Variants in PTPN1 observed in about 807,000 individuals in gnomAD.
PTPN1 encodes tyrosine-protein phosphatase non-receptor type 1.
In PTPN1, 12 loss-of-function variants were observed where a neutral mutation model predicts 59.9. The ratio of observed to expected loss-of-function variants is 0.20; its 90% CI spans 0.13 to 0.32. PTPN1 has a LOEUF of 0.32. Among genes scored for constraint, PTPN1 ranks in the 10% least tolerant of loss-of-function variants. The pLI is 1.00. For missense variants in PTPN1, 356 were observed against 549.2 expected, an observed-to-expected ratio of 0.65 and a Z score of 3.52; for synonymous variants, 178 against 203.6, an observed-to-expected ratio of 0.87 and a Z score of 1.07.
At chr20:50,567,044 A>G (rs991590884) in intron 3 of PTPN1, among the ~76,000 whole-genome samples, 4 of 152,244 alleles carry the variant, frequency 2.6e-5, no homozygotes, top group African/African-American at 9.6e-5. Context: ...AGTAAGTTCA[A>G]GATGAGCTCA....
chr20:50,559,056 C>T (rs1043100047), intron 1 of PTPN1, among the ~76,000 whole-genome samples: 42 of 111,574 alleles, frequency 3.8e-4, no homozygotes, highest in African/African-American at 1.1e-3. Flanking sequence ...TTTTTTGAGA[C>T]GGAGTTTTGC....
intron 1 of PTPN1, among the ~76,000 whole-genome samples, chr20:50,527,779 G>A (rs572992904): frequency 6.6e-6 from 1 of 152,270 alleles, no homozygotes; most frequent in Non-Finnish European, 1.5e-5. Context: ...TCCCTTCCCT[G>A]TTTTAATAAC....
At chr20:50,543,761 G>A (rs1327115426) in intron 1 of PTPN1, among the ~76,000 whole-genome samples, 1 of 152,172 alleles carries the variant, frequency 6.6e-6, no homozygotes, top group African/African-American at 2.4e-5. Context: ...CAATATCGAA[G>A]AAGAAGACTT....
At chr20:50,578,656 G>T (rs1019983191) in intron 6 of PTPN1, 27 bp downstream of exon 6, 1 of 1,597,476 alleles carries the variant, frequency 6.3e-7, no homozygotes, top group Middle Eastern at 1.8e-4. Context: ...GGGTGCCCTG[G>T]GGAGCTCCTC....
intron 1 of PTPN1, chr20:50,557,961 C>G (rs115324957): frequency 6.6e-6 from 1 of 152,278 alleles, no homozygotes; most frequent in Non-Finnish European, 1.5e-5. Flanking sequence ...AAGCCTCCCG[C>G]GTAGCTGAGA....
intron 4 of PTPN1, chr20:50,573,662 C>CTTG (rs2082821920): frequency 6.6e-6 from 1 of 152,258 alleles, no homozygotes; most frequent in South Asian, 2.1e-4. Flanking sequence ...GAGCTTCCCT[C>CTTG]TGTCCAGGCA....
chr20:50,533,772 G>A (rs1300410545), intron 1 of PTPN1, among the ~76,000 whole-genome samples: 1 of 152,126 alleles, frequency 6.6e-6, no homozygotes, highest in African/African-American at 2.4e-5. Flanking sequence ...GATAGGTCAG[G>A]TGAGGCTGGA....
At chr20:50,535,575 G>C (rs558755497) in intron 1 of PTPN1, among the ~76,000 whole-genome samples, 1 of 152,182 alleles carries the variant, frequency 6.6e-6, no homozygotes, top group African/African-American at 2.4e-5. Context: ...GGGAAAGTTA[G>C]GATTTGGTTA....
intron 1 of PTPN1, among the ~76,000 whole-genome samples, chr20:50,525,129 G>A (rs1209752877): frequency 3.3e-5 from 5 of 151,870 alleles, no homozygotes; most frequent in African/African-American, 7.3e-5. Flanking sequence ...GCACGATCTC[G>A]GCTCACTGCA....
chr20:50,582,843 C>G lies in PTPN1; in HGVS notation c.*128C>G. 8.5e-7 allele frequency: 1 copy of G among 1,171,640 alleles called. No individual in the cohort carries two copies. The highest frequency in any genetic ancestry group is 2.5e-5 in the East Asian group (1 of 39,716). The allele number at this position is 1,171,640 out of a possible 1,614,324, so 72.6% of individuals were successfully genotyped here. A position where few individuals can be genotyped will look rare whatever the true frequency, so the allele number is the denominator to read the frequency against. ...CGTAGAGAGCCGGGCCCCGGACGGACGTTGGTTCTGCACTAAAACCCATCT... is the reference window on the plus strand; with the variant it reads ...CGTAGAGAGCCGGGCCCCGGACGGAGGTTGGTTCTGCACTAAAACCCATCT... On this transcript the variant is annotated 3_prime_UTR_variant, in exon 10 of 10. Coordinates refer to ENST00000371621, the MANE Select transcript of PTPN1 (RefSeq NM_002827.4). The surrounding 1 kb of genome is among the most constrained non-coding windows in gnomAD (Gnocchi z 4.2).
At chr20:50,569,410 C>T (rs2082795472) in intron 4 of PTPN1, among the ~76,000 whole-genome samples, 1 of 152,206 alleles carries the variant, frequency 6.6e-6, no homozygotes, top group African/African-American at 2.4e-5. Context: ...GACGGCTGCC[C>T]CCAGCTCCCC....
rs1193028921 is a variant in PTPN1 at position 50,584,608 on chromosome 20, T to C, written c.*1893T>C. The C allele has an allele frequency of 8.3e-6, 1 of 120,478 alleles. No homozygotes were observed. The highest frequency in any genetic ancestry group is 3.2e-5 in the African/African-American group (1 of 31,486). The allele number at this position is 120,478 out of a possible 1,614,324, so 7.5% of individuals were successfully genotyped here. On this transcript the variant is annotated 3_prime_UTR_variant, in exon 10 of 10. Coordinates refer to ENST00000371621, the MANE Select transcript of PTPN1 (RefSeq NM_002827.4). ...TAATACCTTTTCAGGTGTGTGTGGA[T>C]ACGTGGCTGCATGACCGGGTGGGTG...
chr20:50,543,728 CTTTT>C (rs1365499035), intron 1 of PTPN1, among the ~76,000 whole-genome samples: 1 of 151,918 alleles, frequency 6.6e-6, no homozygotes, highest in Non-Finnish European at 1.5e-5. Flanking sequence ...ATGTTAAATG[CTTTT>C]TTTAAAAAAG....
chr20:50,581,511 A>G (rs369860890), intron 9 of PTPN1, 51 bp downstream of exon 9: 65 of 1,543,308 alleles, frequency 4.2e-5, no homozygotes, highest in Middle Eastern at 3.6e-4. Flanking sequence ...TGCAGAGAGC[A>G]CTGGCCGCTA....
In PTPN1 at chr20:50,544,657, C is replaced by T. The variant is rs193087974; in HGVS notation, c.64-16706C>T. ...AAGGAGCAGGTTCCCACTGGGCCAG[C>T]GGGGCTCAAACCCACTGGGGACGTC... On this transcript the variant is annotated intron_variant, in intron 1 of 9. Transcript: ENST00000371621. 8.5e-5 allele frequency among the ~76,000 whole-genome samples: 13 copies of T among 152,282 alleles called. No individual in the cohort carries two copies. The South Asian group carries it at 1.2e-3, about 15-fold the overall frequency.
At position 50,583,286 on chromosome 20, in the gene PTPN1, G is replaced by T. The variant is rs17847902; in HGVS notation, c.*571G>T. 1 of 154,786 alleles carries T rather than the reference G, an allele frequency of 6.5e-6. No individual in the cohort carries two copies. Among genetic ancestry groups the T allele is most frequent in the Admixed American group, 6.3e-5 (1 of 15,842 alleles). 9.6% of individuals were successfully genotyped at this position (154,786 alleles called of 1,614,324 possible). On this transcript the variant is annotated 3_prime_UTR_variant, in exon 10 of 10. Coordinates refer to ENST00000371621, the MANE Select transcript of PTPN1 (RefSeq NM_002827.4). ...GAAGGCTTTGCCATGGGCCTGCTGC[G>T]TCAGACCAGTACTGGGAAGGAGGAC...
chr20:50,511,869 A>T (rs556809109), intron 1 of PTPN1, among the ~76,000 whole-genome samples: 2 of 152,346 alleles, frequency 1.3e-5, no homozygotes, highest in South Asian at 4.1e-4. Flanking sequence ...CAAAAGGCAA[A>T]TTGTGAGATC....
At chr20:50,558,673 A>G (rs1229877164) in intron 1 of PTPN1, among the ~76,000 whole-genome samples, 2 of 152,086 alleles carry the variant, frequency 1.3e-5, no homozygotes, top group African/African-American at 4.8e-5. Flanking sequence ...TTGGATATTC[A>G]GTTTCCTGGA....
At chr20:50,520,566 T>C (rs1372464362) in intron 1 of PTPN1, among the ~76,000 whole-genome samples, 2 of 152,186 alleles carry the variant, frequency 1.3e-5, no homozygotes, top group African/African-American at 4.8e-5. Context: ...TTTGCTGGGC[T>C]GTGTATAGGA....
Sources: allele counts gnomAD v4.1 joint callset (sites outside exome capture counted in the v4.1 genomes callset), GRCh38; gene constraint gnomAD v4.1.1; non-coding constraint Gnocchi (gnomAD v3.1); transcripts MANE v1.5; gene names NCBI Gene and HGNC (gene_info 2026-07-23, HGNC 2026-07-21).